The following SAMD4A variants were observed in gnomAD, a reference collection of about 807,000 sequenced individuals.
The protein encoded by SAMD4A is protein Smaug homolog 1.
Under a neutral mutation model 81.3 loss-of-function variants are expected in SAMD4A, and 33 were observed. The ratio of observed to expected loss-of-function variants is 0.41; its 90% CI spans 0.31 to 0.54. The LOEUF is 0.54. Among genes scored for constraint, SAMD4A ranks in the 20% least tolerant of loss-of-function variants. SAMD4A has a pLI of 0.37. For synonymous variants in SAMD4A, 389 were observed against 382.1 expected, an observed-to-expected ratio of 1.02 and a Z score of -0.21; for missense variants, 854 against 951.1, an observed-to-expected ratio of 0.90 and a Z score of 1.34.
intron 2 of SAMD4A, among the ~76,000 whole-genome samples, chr14:54,569,031 G>C: frequency 6.6e-6 from 1 of 152,008 alleles, no homozygotes; most frequent in East Asian, 1.9e-4. Context: ...TGGGGGATGG[G>C]GGGAAAGTCT....
At position 54,744,147 on chromosome 14, in the gene SAMD4A, A is replaced by C. The variant is rs137922447; in HGVS notation, c.980-4668A>C. ...ACCCCTACGTGAGCCCTTGTGTGGG[A>C]ACAAGGCTGTTCATGTTTCTGTCTG... On this transcript the variant is annotated intron_variant, in intron 4 of 12. Coordinates refer to ENST00000554335, the MANE Select transcript of SAMD4A (RefSeq NM_015589.6). 5.9e-5 allele frequency among the ~76,000 whole-genome samples: 9 copies of C among 152,258 alleles called. No individual in the cohort carries two copies. In the East Asian group the frequency reaches 1.7e-3, roughly 29 times the overall value.
intron 6 of SAMD4A, among the ~76,000 whole-genome samples, chr14:54,759,672 C>A (rs1159246150): frequency 6.6e-6 from 1 of 152,154 alleles, no homozygotes; most frequent in African/African-American, 2.4e-5. Flanking sequence ...GAATCCAAAC[C>A]CCAGCCTCTG....
chr14:54,690,759 T>C (rs1479097634), intron 2 of SAMD4A, among the ~76,000 whole-genome samples: 1 of 152,194 alleles, frequency 6.6e-6, no homozygotes, highest in African/African-American at 2.4e-5. Context: ...AAGGTGATGG[T>C]ATGAAGCTAG....
Position 54,673,861 on chromosome 14 carries a change from C to A in SAMD4A, c.197-28201C>A, listed in dbSNP as rs534570530. On this transcript the variant is annotated intron_variant, in intron 2 of 12. Transcript: ENST00000554335. ...AGTAATGGCTATCGCTCTTAAACTT[C>A]AGACCTCAGCTCATGGATCTGGATT... is the stretch of plus-strand genomic sequence containing the variant. Among the ~76,000 whole-genome samples, 2 of 152,244 alleles carry A rather than the reference C, an allele frequency of 1.3e-5. 1 individual carries two copies. Among genetic ancestry groups the A allele is most frequent in the African/African-American group, 4.8e-5 (2 of 41,470 alleles).
chr14:54,630,065 A>G (rs539916847), intron 2 of SAMD4A, among the ~76,000 whole-genome samples: 116 of 152,244 alleles, frequency 7.6e-4, no homozygotes, highest in African/African-American at 2.7e-3. Context: ...CATTTTGTTT[A>G]CCCACTCATC....
At chr14:54,621,083 G>T (rs1012293038) in intron 2 of SAMD4A, among the ~76,000 whole-genome samples, 8 of 152,190 alleles carry the variant, frequency 5.3e-5, no homozygotes, top group Non-Finnish European at 8.8e-5. Context: ...TTTTGAGCAG[G>T]TGGAGAAAGG....
At chr14:54,779,128 G>A (rs1196514936) in intron 11 of SAMD4A, among the ~76,000 whole-genome samples, 1 of 152,142 alleles carries the variant, frequency 6.6e-6, no homozygotes, top group Non-Finnish European at 1.5e-5. Flanking sequence ...TGGATTCAGA[G>A]CCTCTTCTGC....
intron 2 of SAMD4A, among the ~76,000 whole-genome samples, chr14:54,602,944 A>G (rs1320835932): frequency 6.6e-6 from 1 of 152,214 alleles, no homozygotes; most frequent in Admixed American, 6.5e-5. Flanking sequence ...GCAGCTTCTC[A>G]GGTCACACTG....
At position 54,635,767 on chromosome 14, in the gene SAMD4A, T is replaced by C. The variant is rs2035021477; in HGVS notation, c.197-66295T>C. ...AAAAAAAAAAAAGAAAAGAAAAAAT[T>C]AGCCAATGAATGAGAAAAATAACAT... is the stretch of plus-strand genomic sequence containing the variant. On this transcript the variant is annotated intron_variant, in intron 2 of 12. Coordinates refer to ENST00000554335, the MANE Select transcript of SAMD4A (RefSeq NM_015589.6). Among the ~76,000 whole-genome samples, 3 of 151,644 alleles carry C rather than the reference T, an allele frequency of 2.0e-5. No homozygotes were observed. The South Asian group carries it at 6.2e-4, about 32-fold the overall frequency.
intron 2 of SAMD4A, among the ~76,000 whole-genome samples, chr14:54,591,199 C>T (rs886772818): frequency 6.6e-6 from 1 of 152,100 alleles, no homozygotes; most frequent in Non-Finnish European, 1.5e-5. Flanking sequence ...TGGTGGTGCC[C>T]CTAGTGAGAA....
intron 4 of SAMD4A, among the ~76,000 whole-genome samples, chr14:54,747,126 C>A (rs1298735064): frequency 2.6e-5 from 4 of 152,250 alleles, no homozygotes; most frequent in Admixed American, 1.3e-4. Flanking sequence ...GTTGGGGAAG[C>A]CTTGTCTGTT....
intron 2 of SAMD4A, among the ~76,000 whole-genome samples, chr14:54,587,646 A>G (rs568267319): frequency 5.9e-5 from 9 of 152,268 alleles, no homozygotes; most frequent in South Asian, 4.1e-4. Context: ...TGAGATGATC[A>G]TGTGATTTTT....
At chr14:54,571,636 A>T (rs1457261947) in intron 2 of SAMD4A, among the ~76,000 whole-genome samples, 1 of 152,238 alleles carries the variant, frequency 6.6e-6, no homozygotes, top group African/African-American at 2.4e-5. Context: ...AAATGACAAT[A>T]AATTCCTATA....
In SAMD4A at chr14:54,789,054, T is replaced by A; in HGVS notation, c.*110T>A. ...CCTCCAAGATACTTTGCAGCCTTTT[T>A]TCCCCCTGGTCCCTCTCCCGTTTTG... On this transcript the variant is annotated 3_prime_UTR_variant, in exon 13 of 13. Coordinates refer to ENST00000554335, the MANE Select transcript of SAMD4A (RefSeq NM_015589.6). The A allele has an allele frequency of 8.1e-7, 1 of 1,234,654 alleles. No homozygotes were observed. Among genetic ancestry groups the A allele is most frequent in the South Asian group, 1.2e-5 (1 of 82,916 alleles). The allele number at this position is 1,234,654 out of a possible 1,614,324, so 76.5% of individuals were successfully genotyped here.
chr14:54,669,985 A>G (rs2035844057), intron 2 of SAMD4A, among the ~76,000 whole-genome samples: 2 of 152,238 alleles, frequency 1.3e-5, no homozygotes, highest in Non-Finnish European at 2.9e-5. Context: ...GTGTAAAGAA[A>G]AAACGTTCAC....
At chr14:54,654,185 C>G (rs1322303069) in intron 2 of SAMD4A, among the ~76,000 whole-genome samples, 1 of 152,154 alleles carries the variant, frequency 6.6e-6, no homozygotes, top group Non-Finnish European at 1.5e-5. Context: ...TGAGCTCTTT[C>G]CTGTCTAACT....
At chr14:54,682,903 G>T (rs142740758) in intron 2 of SAMD4A, among the ~76,000 whole-genome samples, 5 of 152,290 alleles carry the variant, frequency 3.3e-5, no homozygotes, top group Admixed American at 3.3e-4. Flanking sequence ...TTTTGGTATT[G>T]CTGGTACCTG....
At chr14:54,636,778 A>T (rs1216015019) in intron 2 of SAMD4A, among the ~76,000 whole-genome samples, 1 of 152,182 alleles carries the variant, frequency 6.6e-6, no homozygotes, top group Non-Finnish European at 1.5e-5. Flanking sequence ...GAAAAGATGG[A>T]GATGCCATCA....
At chr14:54,691,054 A>C (rs574953692) in intron 2 of SAMD4A, among the ~76,000 whole-genome samples, 85 of 152,322 alleles carry the variant, frequency 5.6e-4, no homozygotes, top group African/African-American at 2.0e-3. Flanking sequence ...CTTACAACAC[A>C]GCCCACAGGC....
Sources: gnomAD v4.1 joint callset for allele counts (sites outside exome capture counted in the v4.1 genomes callset) on GRCh38, gnomAD v4.1.1 for gene constraint, MANE v1.5 for transcripts, NCBI Gene and HGNC (gene_info 2026-07-23, HGNC 2026-07-21) for gene names.